The following DLC1 variants were observed in gnomAD, a reference collection of about 807,000 sequenced individuals.
DLC1 encodes the protein DLC1 Rho GTPase activating protein.
A neutral mutation model predicts 140.3 loss-of-function variants in DLC1; 54 were observed. The ratio of observed to expected loss-of-function variants is 0.38; its 90% CI spans 0.31 to 0.48. DLC1 has a LOEUF of 0.48. DLC1 is among the 20% of genes least tolerant of loss of function. The pLI, the probability that DLC1 is intolerant of heterozygous loss-of-function variation, is 0.96. For missense variants in DLC1, 2,536 were observed against 1,907.0 expected (o/e 1.33, Z -6.14); for synonymous variants, 986 against 728.1 (o/e 1.35, Z -5.70).
At chr8:13,579,359 ATATTT>A (rs1804979855) in intron 1 of DLC1, among the ~76,000 whole-genome samples, 1 of 27,180 alleles carries the variant, frequency 3.7e-5, no homozygotes, top group African/African-American at 1.8e-4. Context: ...ATATATATAT[ATATTT>A]TTATATAATA....
intron 2 of DLC1, among the ~76,000 whole-genome samples, chr8:13,415,650 T>G (rs996795389): frequency 2.6e-5 from 4 of 152,094 alleles, no homozygotes; most frequent in African/African-American, 9.7e-5. Flanking sequence ...CTGCCTGCCT[T>G]GGCCTCTCAA....
At chr8:13,472,083 A>G (rs1466669694) in intron 2 of DLC1, among the ~76,000 whole-genome samples, 2 of 152,238 alleles carry the variant, frequency 1.3e-5, no homozygotes, top group African/African-American at 4.8e-5. Flanking sequence ...CAGATGGTAA[A>G]TAAATTTCTG....
At chr8:13,519,449 T>A (rs1345266775), upstream of DLC1, among the ~76,000 whole-genome samples, 2 of 152,134 alleles carry the variant, frequency 1.3e-5, no homozygotes, top group African/African-American at 4.8e-5. Flanking sequence ...TTTAAATAAG[T>A]TCACTTTTGT....
Position 13,514,807 on chromosome 8 carries a change from C to T in DLC1, c.-331G>A. The T allele has an allele frequency of 5.1e-6, 2 of 395,544 alleles. No homozygotes were observed. The highest frequency in any genetic ancestry group is 8.9e-6 in the Non-Finnish European group (2 of 224,498). The allele number at this position is 395,544 out of a possible 1,614,324, so 24.5% of individuals were successfully genotyped here. A position where few individuals can be genotyped will look rare whatever the true frequency, so the allele number is the denominator to read the frequency against. On this transcript the variant is annotated 5_prime_UTR_variant, in exon 1 of 18. Coordinates refer to ENST00000276297, the MANE Select transcript of DLC1 (RefSeq NM_182643.3). ...GAGGGAGCCTTAGCTAAGGCAGGATCCTGTCAAGGCATTCCTAGTGACTTC... is the reference window on the plus strand; with the variant it reads ...GAGGGAGCCTTAGCTAAGGCAGGATTCTGTCAAGGCATTCCTAGTGACTTC...
At chr8:13,121,870 A>G (rs1821108177) in intron 5 of DLC1, among the ~76,000 whole-genome samples, 1 of 152,054 alleles carries the variant, frequency 6.6e-6, no homozygotes, top group Non-Finnish European at 1.5e-5. Context: ...CTTTTTAAAA[A>G]CACCGACCAT....
chr8:13,365,612 C>T (rs1835443314), intron 4 of DLC1, among the ~76,000 whole-genome samples: 2 of 152,158 alleles, frequency 1.3e-5, no homozygotes, highest in South Asian at 4.1e-4. Context: ...ACTTACAGCA[C>T]TTTCATTGTG....
intron 5 of DLC1, among the ~76,000 whole-genome samples, chr8:13,198,566 T>G (rs1827200685): frequency 6.6e-6 from 1 of 152,224 alleles, no homozygotes; most frequent in Admixed American, 6.5e-5. Context: ...CAAATTTTTC[T>G]TTTAGATTTT....
At chr8:13,125,329 T>G (rs1011088704) in intron 5 of DLC1, among the ~76,000 whole-genome samples, 3 of 152,190 alleles carry the variant, frequency 2.0e-5, no homozygotes, top group Non-Finnish European at 2.9e-5. Context: ...AAGCCTGTAT[T>G]CATATCATAG....
intron 5 of DLC1, among the ~76,000 whole-genome samples, chr8:13,202,271 G>C (rs1182705181): frequency 6.6e-6 from 1 of 152,034 alleles, no homozygotes; most frequent in Non-Finnish European, 1.5e-5. Context: ...AATTTAAAAC[G>C]TTTTAATAAG....
chr8:13,127,372 T>C (rs572190262), intron 5 of DLC1, among the ~76,000 whole-genome samples: 4 of 152,302 alleles, frequency 2.6e-5, no homozygotes, highest in South Asian at 4.2e-4. Flanking sequence ...CGCCCCTCAG[T>C]CGGGAAAAGG....
intron 2 of DLC1, among the ~76,000 whole-genome samples, chr8:13,469,911 G>C (rs7012113): frequency 0.35 from 52,463 of 152,020 alleles, 9,427 homozygotes; most frequent in Middle Eastern, 0.48. Context: ...CTGCCCTCCA[G>C]AATAATGGTA....
chr8:13,118,403 C>A (rs1820758837), intron 5 of DLC1, among the ~76,000 whole-genome samples: 1 of 152,164 alleles, frequency 6.6e-6, no homozygotes, highest in Non-Finnish European at 1.5e-5. Flanking sequence ...TATCCTTTCT[C>A]TTCTTCACCC....
chr8:13,490,942 G>A (rs1233946126), intron 2 of DLC1, among the ~76,000 whole-genome samples: 1 of 149,116 alleles, frequency 6.7e-6, no homozygotes, highest in Non-Finnish European at 1.5e-5. Context: ...AACAAGGAAC[G>A]TTCAGGTTTA....
At chr8:13,114,917 C>T (rs1335219470) in intron 6 of DLC1, among the ~76,000 whole-genome samples, 1 of 152,146 alleles carries the variant, frequency 6.6e-6, no homozygotes, top group African/African-American at 2.4e-5. Flanking sequence ...TTTCGAAAAG[C>T]TTGCATTTTA....
chr8:13,188,801 GTATATATATATA>G (rs1237501850), intron 5 of DLC1, among the ~76,000 whole-genome samples: 27 of 71,882 alleles, frequency 3.8e-4, no homozygotes, highest in African/African-American at 1.7e-3. Context: ...GTGTGTGTGT[GTATATATATATA>G]TATATATATA....
At chr8:13,528,294 C>T (rs556340246) in intron 1 of DLC1, among the ~76,000 whole-genome samples, 12 of 152,118 alleles carry the variant, frequency 7.9e-5, no homozygotes, top group Admixed American at 3.3e-4. Context: ...TGTTTTCTTT[C>T]ATGAATTTCA....
chr8:13,477,454 G>C (rs140239233), intron 2 of DLC1, among the ~76,000 whole-genome samples: 1 of 152,314 alleles, frequency 6.6e-6, no homozygotes, highest in East Asian at 1.9e-4. Context: ...TGCTATAGTA[G>C]TGAGAGTAGG....
intron 2 of DLC1, among the ~76,000 whole-genome samples, chr8:13,431,082 G>A (rs1051563522): frequency 2.6e-5 from 4 of 152,158 alleles, no homozygotes; most frequent in Non-Finnish European, 4.4e-5. Context: ...GAGCTCTTTA[G>A]GTTGTCCTTC....
At chr8:13,153,861 A>G (rs968087764) in intron 5 of DLC1, among the ~76,000 whole-genome samples, 1 of 152,136 alleles carries the variant, frequency 6.6e-6, no homozygotes, top group Non-Finnish European at 1.5e-5. Flanking sequence ...CAGAGTGCTG[A>G]TTGGTGTATT....
Sources: gnomAD v4.1 joint callset for allele counts (sites outside exome capture counted in the v4.1 genomes callset) on GRCh38, gnomAD v4.1.1 for gene constraint, MANE v1.5 for transcripts, NCBI Gene and HGNC (gene_info 2026-07-23, HGNC 2026-07-21) for gene names.